TRAPPC12: variants seen among roughly 807,000 people sequenced by gnomAD.
TRAPPC12 encodes trafficking protein particle complex subunit 12, also known as TPR repeat protein 15.
Under a neutral mutation model 69.2 loss-of-function variants are expected in TRAPPC12, and 61 were observed. That is an observed-to-expected ratio of 0.88 (90% confidence interval 0.72 to 1.09). TRAPPC12 has a LOEUF of 1.09. TRAPPC12 is among the 50% of genes least tolerant of loss of function. The pLI is 0.00. For missense variants in TRAPPC12, 1,101 were observed against 1,016.4 expected (o/e 1.08, Z -1.13); for synonymous variants, 469 against 438.9 (o/e 1.07, Z -0.86).
intron 3 of TRAPPC12, among the ~76,000 whole-genome samples, chr2:3,408,573 AGCCATGATCGG>A (rs1661859709): frequency 6.6e-6 from 1 of 152,166 alleles, no homozygotes; most frequent in Non-Finnish European, 1.5e-5. Context: ...GGCTGCAGTA[AGCCATGATCGG>A]GCCACAGCAC....
intron 9 of TRAPPC12, chr2:3,467,842 G>C (rs1665888044): frequency 6.6e-6 from 1 of 152,456 alleles, no homozygotes. Context: ...TCTCCGCTGG[G>C]TTCAGCAGAG....
At position 3,387,813 on chromosome 2, in the gene TRAPPC12, G is replaced by A. The variant is rs1286105313; in HGVS notation, c.190G>A (p.Glu64Lys). The stretch of plus-strand genomic sequence containing the variant: ...GAGTCCTCTCGCGGACAAGCTGAAC[G>A]AACACATGATGGAGAGCGTCCTCAT... ...GSSPLADKLNEHMMESVLISD... is the reference protein window; with the variant it reads ...GSSPLADKLNKHMMESVLISD... Residue 64 changes from glutamate (E) to lysine (K), a missense_variant, in exon 2 of 12, where the codon GAA becomes AAA. By Grantham distance (56) the Glu-to-Lys change is moderately conservative. Coordinates refer to ENST00000324266, the MANE Select transcript of TRAPPC12 (RefSeq NM_016030.6). The A allele has an allele frequency of 1.2e-6, 2 of 1,613,290 alleles. No individual in the cohort carries two copies. The highest frequency in any genetic ancestry group is 3.3e-5 in the Admixed American group (2 of 59,978).
chr2:3,399,719 T>A (rs548505468), intron 2 of TRAPPC12, among the ~76,000 whole-genome samples: 62 of 152,288 alleles, frequency 4.1e-4, no homozygotes, highest in African/African-American at 1.4e-3. Context: ...CTGTTCTTCT[T>A]TTAAGTGTCA....
At chr2:3,471,744 C>G (rs1666070484) in intron 9 of TRAPPC12, among the ~76,000 whole-genome samples, 1 of 152,218 alleles carries the variant, frequency 6.6e-6, no homozygotes, top group Admixed American at 6.5e-5. Context: ...TTCACTCCAA[C>G]TTAGATTCCA....
At chr2:3,460,454 G>C in intron 8 of TRAPPC12, 118 bp downstream of exon 8, 2 of 666,738 alleles carry the variant, frequency 3.0e-6, no homozygotes, top group South Asian at 3.6e-5. Context: ...AGAGAAGCCA[G>C]CTAAGTACTG....
intron 2 of TRAPPC12, among the ~76,000 whole-genome samples, chr2:3,390,575 G>C (rs1404140236): frequency 3.9e-5 from 6 of 152,200 alleles, no homozygotes; most frequent in Non-Finnish European, 8.8e-5. Context: ...ATGATGCCAG[G>C]GGTTAGGGGG....
At chr2:3,402,099 C>A (rs1427342834) in intron 3 of TRAPPC12, among the ~76,000 whole-genome samples, 2 of 152,080 alleles carry the variant, frequency 1.3e-5, no homozygotes, top group Non-Finnish European at 2.9e-5. Context: ...AGTTAAAAAG[C>A]CATTATTGGA....
At position 3,387,726 on chromosome 2, in the gene TRAPPC12, AC is replaced by A; in HGVS notation, c.105del (p.Ile36SerfsTer27). ...EEQGLLFQEE[T>X]IDLGGDEFGS... The stretch of plus-strand genomic sequence containing the variant: ...GCAGGGGTTGCTCTTCCAGGAGGAA[AC>A]CATCGATCTTGGCGGAGATGAGTTT... On this transcript the variant is annotated frameshift_variant, in exon 2 of 12. Transcript: ENST00000324266. LOFTEE classifies it high-confidence loss of function. The A allele has an allele frequency of 6.2e-7, 1 of 1,605,134 alleles. No homozygotes were observed. Among genetic ancestry groups the A allele is most frequent in the Non-Finnish European group, 8.5e-7 (1 of 1,175,828 alleles).
At chr2:3,472,651 C>A (rs11675119) in intron 9 of TRAPPC12, 45,894 of 152,060 alleles carry the variant, frequency 0.3, 7,219 homozygotes, top group East Asian at 0.4. Flanking sequence ...TTAAAGGACA[C>A]CATAAAGAAA....
At position 3,387,978 on chromosome 2, in the gene TRAPPC12, G is replaced by GC. The variant is rs1135401749; in HGVS notation, c.360dup (p.Glu121ArgfsTer7). ...CAGCGGCGAGGCCGACGGCGACTGT[G>GC]CCCCCGAGGACGCGGCACCCAGTAG... On this transcript the variant is annotated frameshift_variant, in exon 2 of 12. Coordinates refer to ENST00000324266, the MANE Select transcript of TRAPPC12 (RefSeq NM_016030.6). LOFTEE classifies it high-confidence loss of function. The GC allele has an allele frequency of 4.1e-6, 6 of 1,474,848 alleles. No individual in the cohort carries two copies. Among genetic ancestry groups the GC allele is most frequent in the Non-Finnish European group, 5.4e-6 (6 of 1,119,166 alleles). 91.4% of individuals were successfully genotyped at this position (1,474,848 alleles called of 1,614,324 possible). A position where few individuals can be genotyped will look rare whatever the true frequency, so the allele number is the denominator to read the frequency against.
intron 7 of TRAPPC12, chr2:3,457,989 G>T: frequency 8.0e-7 from 1 of 1,250,808 alleles, no homozygotes; most frequent in Non-Finnish European, 1.0e-6. Context: ...GTGGGCGCGA[G>T]GAAGGAGCCC....
chr2:3,438,236 C>A (rs1294189255), intron 5 of TRAPPC12, among the ~76,000 whole-genome samples: 3 of 116,004 alleles, frequency 2.6e-5, no homozygotes, highest in Admixed American at 1.8e-4. Context: ...GGATTCATCC[C>A]CCCATCAGCC....
chr2:3,383,336 T>C (rs541469745), intron 1 of TRAPPC12, among the ~76,000 whole-genome samples: 6 of 152,310 alleles, frequency 3.9e-5, no homozygotes, highest in Admixed American at 1.3e-4. Flanking sequence ...TCTGAAAATA[T>C]ATTCTCTTAT....
intron 3 of TRAPPC12, among the ~76,000 whole-genome samples, chr2:3,416,520 C>A (rs1465991777): frequency 7.5e-6 from 1 of 133,444 alleles, no homozygotes; most frequent in African/African-American, 2.8e-5. Context: ...TGCCCTCCCC[C>A]TGCCCCTTCA....
intron 2 of TRAPPC12, among the ~76,000 whole-genome samples, chr2:3,396,332 T>C (rs1016431874): frequency 2.6e-5 from 4 of 152,146 alleles, no homozygotes; most frequent in Non-Finnish European, 4.4e-5. Context: ...GTAATTCTTA[T>C]CCTCGCTCCT....
intron 8 of TRAPPC12, among the ~76,000 whole-genome samples, chr2:3,461,395 G>A (rs1201396693): frequency 1.3e-5 from 2 of 152,220 alleles, no homozygotes; most frequent in Non-Finnish European, 2.9e-5. Flanking sequence ...CTGCCTTTGC[G>A]CTTCTGCGTC....
intron 8 of TRAPPC12, among the ~76,000 whole-genome samples, chr2:3,464,142 ACACACACATGCT>A (rs1665668287): frequency 6.6e-6 from 1 of 151,958 alleles, no homozygotes; most frequent in Non-Finnish European, 1.5e-5. Flanking sequence ...ACACGTCCAC[ACACACACATGCT>A]CACACACACG....
chr2:3,388,413 G>T lies in TRAPPC12; in HGVS notation c.790G>T (p.Ala264Ser). The T allele has an allele frequency of 6.2e-7, 1 of 1,604,350 alleles. No homozygotes were observed. The highest frequency in any genetic ancestry group is 1.1e-5 in the South Asian group (1 of 90,022). Reference protein sequence around the residue: ...PGTEGRPEPVAMRGPQAAAPP... With the variant: ...PGTEGRPEPVSMRGPQAAAPP... ...GACCGAGGGGCGCCCCGAACCCGTGGCCATGCGAGGGCCCCAGGCAGCTGC... is the reference window on the plus strand; with the variant it reads ...GACCGAGGGGCGCCCCGAACCCGTGTCCATGCGAGGGCCCCAGGCAGCTGC... The change falls in exon 2 of 12, where the codon GCC becomes TCC. Residue 264 changes from alanine (A) to serine (S), a missense_variant. Physicochemically the swap from Ala to Ser is moderately conservative, Grantham distance 99 (BLOSUM62 1). Transcript: ENST00000324266.
Position 3,387,057 on chromosome 2 carries a change from C to T in TRAPPC12, c.-4-563C>T, listed in dbSNP as rs111472967. On this transcript the variant is annotated intron_variant, in intron 1 of 11. Coordinates refer to ENST00000324266, the MANE Select transcript of TRAPPC12 (RefSeq NM_016030.6). ...TACCCAAAATGATTGAAAGCAGGGTCTCAAAGAGCTGTTTGTACAGCCACG... is the reference window on the plus strand; with the variant it reads ...TACCCAAAATGATTGAAAGCAGGGTTTCAAAGAGCTGTTTGTACAGCCACG... 9.5e-3 allele frequency among the ~76,000 whole-genome samples: 1,447 copies of T among 152,322 alleles called. 27 individuals carry two copies. Among genetic ancestry groups the T allele is most frequent in the African/African-American group, 0.033 (1,366 of 41,576 alleles).
Sources: allele counts gnomAD v4.1 joint callset (sites outside exome capture counted in the v4.1 genomes callset), GRCh38; gene constraint gnomAD v4.1.1; transcripts MANE v1.5; gene names NCBI Gene and HGNC (gene_info 2026-07-23, HGNC 2026-07-21).